The following HNRNPR variants were observed in gnomAD, a reference collection of about 807,000 sequenced individuals.
HNRNPR encodes the protein heterogeneous nuclear ribonucleoprotein R.
In HNRNPR, 4 loss-of-function variants were observed where a neutral mutation model predicts 70.3. The observed-to-expected ratio is 0.06, with a 90% CI of 0.03 to 0.13. The LOEUF is 0.13. Ranked by LOEUF, HNRNPR falls within the 10% of genes least tolerant of loss-of-function variation. HNRNPR has a pLI of 1.00. For synonymous variants in HNRNPR, 241 were observed against 267.6 expected (o/e 0.90, Z 0.97); for missense variants, 423 against 788.5 (o/e 0.54, Z 5.55).
Position 23,310,722 on chromosome 1 carries a change from C to A in HNRNPR, c.1634G>T (p.Gly545Val), listed in dbSNP as rs1373516369. 2 of 1,613,562 alleles carry A rather than the reference C, an allele frequency of 1.2e-6. No individual in the cohort carries two copies. Among genetic ancestry groups the A allele is most frequent in the East Asian group, 2.2e-5 (1 of 44,862 alleles). The change falls in exon 11 of 11, where the codon GGC becomes GTC. Residue 545 changes from glycine to valine, a missense_variant. By Grantham distance (109) the Gly-to-Val change is moderately radical. Transcript: ENST00000302271. The surrounding 1 kb of genome is among the most constrained non-coding windows in gnomAD (Gnocchi z 6.0). ...CTGCTGTTGAGCAGGACCCCCTCTG[C>A]CACCCCTAGAGCCTCTTGGTGGTCC... ...PLGPPRGSRG[G>V]RGGPAQQQRG...
chr1:23,313,753 GA>G, intron 8 of HNRNPR, 51 bp from the exon 9 acceptor site: 1 of 1,569,682 alleles, frequency 6.4e-7, no homozygotes, highest in Non-Finnish European at 8.6e-7. Context: ...AATTTTACCT[GA>G]AAAGTGTTTC....
intron 8 of HNRNPR, among the ~76,000 whole-genome samples, chr1:23,314,858 T>C (rs963045331): frequency 2.0e-5 from 3 of 152,164 alleles, no homozygotes; most frequent in Admixed American, 6.5e-5. Context: ...CAGATATATC[T>C]CCACTTGTAT....
chr1:23,341,593 A>G (rs994624377), intron 1 of HNRNPR, among the ~76,000 whole-genome samples: 8 of 152,178 alleles, frequency 5.3e-5, no homozygotes, highest in African/African-American at 1.9e-4. Flanking sequence ...CTTGACATTA[A>G]TTTTTGTTCT....
intron 4 of HNRNPR, among the ~76,000 whole-genome samples, chr1:23,334,629 G>T (rs12083279): frequency 6.6e-6 from 1 of 152,050 alleles, no homozygotes; most frequent in Non-Finnish European, 1.5e-5. Context: ...CAAGAATCAG[G>T]TAATCAGACA....
At chr1:23,312,147 A>G (rs1240662034) in intron 9 of HNRNPR, among the ~76,000 whole-genome samples, 3 of 152,116 alleles carry the variant, frequency 2.0e-5, no homozygotes, top group African/African-American at 7.2e-5. Context: ...GTTCTATTGG[A>G]GCTATCAGTG....
At chr1:23,343,063 T>G (rs781706552) in intron 1 of HNRNPR, among the ~76,000 whole-genome samples, 2 of 152,170 alleles carry the variant, frequency 1.3e-5, no homozygotes, top group African/African-American at 2.4e-5. Context: ...AAAAGACTTT[T>G]TATGTCATAT....
Position 23,320,221 on chromosome 1 carries a change from T to C in HNRNPR, c.811+1307A>G, listed in dbSNP as rs186848554. Among the ~76,000 whole-genome samples the C allele has an allele frequency of 5.8e-3, 890 of 152,254 alleles. 6 individuals are homozygous for C. The highest frequency in any genetic ancestry group is 0.029 in the South Asian group (138 of 4,818). ...ATGATCATGAAGCCAGAAGGAGCTA[T>C]AGATAATAAAGTGATGAGGTCAAAG... On this transcript the variant is annotated intron_variant, in intron 7 of 10. Transcript: ENST00000302271.
At position 23,305,594 on chromosome 1, in the gene HNRNPR, T is replaced by C. The variant is rs1405837427; in HGVS notation, c.*4860A>G. ...TACCATATTACAATTATTTTTTATA[T>C]GGTATGGTCAGAAATGCCTAGTTAC... On this transcript the variant is annotated 3_prime_UTR_variant, in exon 11 of 11. Transcript: ENST00000302271. 1 of 152,202 alleles carries C rather than the reference T, an allele frequency of 6.6e-6. No individual in the cohort carries two copies. Among genetic ancestry groups the C allele is most frequent in the Admixed American group, 6.5e-5 (1 of 15,280 alleles). The allele number at this position is 152,202 out of a possible 1,614,324, so 9.4% of individuals were successfully genotyped here.
At chr1:23,314,384 T>C (rs1343587188) in intron 8 of HNRNPR, among the ~76,000 whole-genome samples, 1 of 152,072 alleles carries the variant, frequency 6.6e-6, no homozygotes, top group Non-Finnish European at 1.5e-5. Context: ...TAAAAATAAA[T>C]GACTTCTATA....
At chr1:23,317,837 G>A (rs946822724) in intron 8 of HNRNPR, among the ~76,000 whole-genome samples, 9 of 151,278 alleles carry the variant, frequency 5.9e-5, no homozygotes, top group Admixed American at 3.9e-4. Context: ...AAATTTAGCC[G>A]GGCATGGTGG....
intron 2 of HNRNPR, among the ~76,000 whole-genome samples, chr1:23,340,326 A>C (rs115625505): frequency 0.018 from 2,651 of 151,480 alleles, 34 homozygotes; most frequent in Non-Finnish European, 0.024. Context: ...AAAAAAAAAG[A>C]AGCAGCTGTT....
At chr1:23,315,279 CAAAAAAA>C (rs1165980444) in intron 8 of HNRNPR, among the ~76,000 whole-genome samples, 2 of 35,392 alleles carry the variant, frequency 5.7e-5, no homozygotes, top group African/African-American at 8.5e-5. Flanking sequence ...GGCTCCGTCT[CAAAAAAA>C]AAAAAAAAAA....
intron 8 of HNRNPR, among the ~76,000 whole-genome samples, chr1:23,315,204 C>T (rs1387028933): frequency 6.9e-6 from 1 of 144,724 alleles, no homozygotes; most frequent in Non-Finnish European, 1.5e-5. Flanking sequence ...CACTTGAACC[C>T]GGGAGGCAGA....
intron 1 of HNRNPR, among the ~76,000 whole-genome samples, chr1:23,342,665 C>T (rs1404081145): frequency 1.3e-5 from 2 of 152,158 alleles, no homozygotes; most frequent in African/African-American, 2.4e-5. Flanking sequence ...CCATGCTCCC[C>T]CATCCCCACA....
At position 23,307,586 on chromosome 1, in the gene HNRNPR, G is replaced by A. The variant is rs1231221746; in HGVS notation, c.*2868C>T. ...CCTTATCTTTTCACCAAATAAACCT[G>A]CATTTATTAGAAATCTGGCAACTTA... On this transcript the variant is annotated 3_prime_UTR_variant, in exon 11 of 11. Coordinates refer to ENST00000302271, the MANE Select transcript of HNRNPR (RefSeq NM_005826.5). 1 of 151,860 alleles carries A rather than the reference G, an allele frequency of 6.6e-6. No homozygotes were observed. The highest frequency in any genetic ancestry group is 2.4e-5 in the African/African-American group (1 of 41,364). The allele number at this position is 151,860 out of a possible 1,614,324, so 9.4% of individuals were successfully genotyped here.
chr1:23,315,519 T>C (rs1198059992), intron 8 of HNRNPR, among the ~76,000 whole-genome samples: 1 of 152,108 alleles, frequency 6.6e-6, no homozygotes, highest in Admixed American at 6.6e-5. Context: ...CTACCAACAT[T>C]ACTACCACTC....
rs1645196547 is a variant in HNRNPR at position 23,305,969 on chromosome 1, G to C, written c.*4485C>G. 6.6e-6 allele frequency: 1 copy of C among 152,022 alleles called. No individual in the cohort carries two copies. The highest frequency in any genetic ancestry group is 2.4e-5 in the African/African-American group (1 of 41,392). The allele number at this position is 152,022 out of a possible 1,614,324, so 9.4% of individuals were successfully genotyped here. ...GAAGATTTTTAAAAATAGTATCTTT[G>C]GTGTTTAAGCCCTCCATTCTATCAA... On this transcript the variant is annotated 3_prime_UTR_variant, in exon 11 of 11. Transcript: ENST00000302271.
chr1:23,318,243 T>C lies in HNRNPR; in HGVS notation c.1017+240A>G, dbSNP rs1305276918. Among the ~76,000 whole-genome samples the C allele has an allele frequency of 6.6e-6, 1 of 151,788 alleles. No homozygotes were observed. Among genetic ancestry groups the C allele is most frequent in the South Asian group, 2.1e-4 (1 of 4,816 alleles). On this transcript the variant is annotated intron_variant, in intron 8 of 10. Coordinates refer to ENST00000302271, the MANE Select transcript of HNRNPR (RefSeq NM_005826.5). The surrounding 1 kb of genome is among the most constrained non-coding windows in gnomAD (Gnocchi z 4.2). ...ACCCAGTGTGTATGGGACTACTTAA[T>C]TGAAGGAATTTCATTTCAGTTCCTT...
chr1:23,310,886 G>A lies in HNRNPR; in HGVS notation c.1470C>T (p.Tyr490=), dbSNP rs1479837317. The change falls in exon 11 of 11, where the codon TAC becomes TAT. Residue 490 remains tyrosine, a synonymous_variant. Transcript: ENST00000302271. The surrounding 1 kb of genome is among the most constrained non-coding windows in gnomAD (Gnocchi z 6.0). Reference sequence around the variant, plus strand: ...CTGCATAGCCATCATCATAGCCGTAGTAGGGATCTTCATAGCCTCCACGAT... The same window carrying A: ...CTGCATAGCCATCATCATAGCCGTAATAGGGATCTTCATAGCCTCCACGAT... ...HDYRGGYEDP[Y]YGYDDGYAVR... 6 of 1,614,092 alleles carry A rather than the reference G, an allele frequency of 3.7e-6. No homozygotes were observed. The highest frequency in any genetic ancestry group is 1.7e-5 in the Admixed American group (1 of 60,024).
Sources: gnomAD v4.1 joint callset for allele counts (sites outside exome capture counted in the v4.1 genomes callset) on GRCh38, gnomAD v4.1.1 for gene constraint, Gnocchi (gnomAD v3.1) non-coding constraint, MANE v1.5 for transcripts, NCBI Gene and HGNC (gene_info 2026-07-23, HGNC 2026-07-21) for gene names.